ZC3H14: variants seen among roughly 807,000 people sequenced by gnomAD.
The protein encoded by ZC3H14 is zinc finger CCCH domain-containing protein 14.
Under a neutral mutation model 92.4 loss-of-function variants are expected in ZC3H14, and 31 were observed. The observed-to-expected ratio is 0.34, with a 90% CI of 0.25 to 0.45. The LOEUF (loss-of-function observed/expected upper bound fraction) is 0.45. Among genes scored for constraint, ZC3H14 ranks in the 20% least tolerant of loss-of-function variants. ZC3H14 has a pLI of 1.00. For missense variants in ZC3H14, 781 were observed against 897.3 expected (o/e 0.87, Z 1.66); for synonymous variants, 321 against 300.9 (o/e 1.07, Z -0.69).
At position 88,618,124 on chromosome 14, in the gene ZC3H14, C is replaced by T; in HGVS notation, c.*6373C>T. On this transcript the variant is annotated 3_prime_UTR_variant, in exon 17 of 17. Transcript: ENST00000251038. The stretch of plus-strand genomic sequence containing the variant: ...AAAATATGGTAACAAAAACTTGAAA[C>T]TCAATTACTATTCCTTATTGGAATG... 1 of 867,402 alleles carries T rather than the reference C, an allele frequency of 1.2e-6. No individual in the cohort carries two copies. The allele number at this position is 867,402 out of a possible 1,614,324, so 53.7% of individuals were successfully genotyped here. A position where few individuals can be genotyped will look rare whatever the true frequency, so the allele number is the denominator to read the frequency against.
rs532246822 is a variant in ZC3H14, at chr14:88,571,788, T to G, written c.236-242T>G. ...CATCTTGGCCAACCAACATGGTGAATCTCCGTCTCTACTAAAAATACAAAA... is the reference window on the plus strand; with the variant it reads ...CATCTTGGCCAACCAACATGGTGAAGCTCCGTCTCTACTAAAAATACAAAA... On this transcript the variant is annotated intron_variant, in intron 4 of 16. Coordinates refer to ENST00000251038, the MANE Select transcript of ZC3H14 (RefSeq NM_024824.5). Among the ~76,000 whole-genome samples, 17 of 151,976 alleles carry G rather than the reference T, an allele frequency of 1.1e-4. No homozygotes were observed. In the South Asian group the frequency reaches 3.3e-3, roughly 30 times the overall value.
intron 10 of ZC3H14, among the ~76,000 whole-genome samples, chr14:88,597,356 G>C (rs2083977779): frequency 6.6e-6 from 1 of 152,114 alleles, no homozygotes; most frequent in African/African-American, 2.4e-5. Flanking sequence ...TGTCCTCAGT[G>C]CCCAGCCCCT....
chr14:88,568,434 C>T (rs916305567), intron 3 of ZC3H14, among the ~76,000 whole-genome samples: 1 of 152,194 alleles, frequency 6.6e-6, no homozygotes, highest in African/African-American at 2.4e-5. Context: ...CACAAGTCGA[C>T]AGGAAAGAGA....
intron 9 of ZC3H14, among the ~76,000 whole-genome samples, chr14:88,593,544 C>T (rs1054078008): frequency 6.6e-6 from 1 of 152,162 alleles, no homozygotes; most frequent in Middle Eastern, 3.4e-3. Flanking sequence ...ACCCGTGGAC[C>T]GGAATTGAGA....
intron 12 of ZC3H14, among the ~76,000 whole-genome samples, chr14:88,605,658 A>G (rs1030932931): frequency 6.6e-6 from 1 of 152,140 alleles, no homozygotes; most frequent in African/African-American, 2.4e-5. Flanking sequence ...GACTTTTACT[A>G]TTTTTAAAGT....
intron 3 of ZC3H14, among the ~76,000 whole-genome samples, 187 bp downstream of exon 3, chr14:88,568,340 T>C (rs1342063390): frequency 3.3e-5 from 5 of 152,200 alleles, no homozygotes; most frequent in African/African-American, 1.2e-4. Context: ...CGAGACTGGG[T>C]AATTTCTAAA....
chr14:88,597,033 T>C (rs550078831), intron 10 of ZC3H14, among the ~76,000 whole-genome samples: 1 of 152,212 alleles, frequency 6.6e-6, no homozygotes, highest in Admixed American at 6.5e-5. Context: ...TTTCACACCA[T>C]TCCAAGTGTG....
Position 88,616,372 on chromosome 14 carries a change from A to G in ZC3H14, c.*4621A>G. 1.1e-6 allele frequency: 1 copy of G among 887,858 alleles called. No homozygotes were observed. The highest frequency in any genetic ancestry group is 1.7e-5 in the African/African-American group (1 of 60,474). The allele number at this position is 887,858 out of a possible 1,614,324, so 55.0% of individuals were successfully genotyped here. A position where few individuals can be genotyped will look rare whatever the true frequency, so the allele number is the denominator to read the frequency against. ...GGAGTTAGCACCGCAGCCAGTGATT[A>G]GAATGCTTTTCAGCATGAGTAGTGG... On this transcript the variant is annotated 3_prime_UTR_variant, in exon 17 of 17. Transcript: ENST00000251038.
chr14:88,608,290 C>T, intron 13 of ZC3H14: 1 of 489,100 alleles, frequency 2.0e-6, no homozygotes, highest in South Asian at 1.5e-5. Context: ...GAATACCATC[C>T]CCCATCTCAC....
At position 88,617,612 on chromosome 14, in the gene ZC3H14, TAAA is replaced by T. The variant is rs1300261036; in HGVS notation, c.*5864_*5866del. ...TGTGAGATCCCTATCTCTACAAAAATAAAAATGACTTATGACATAGGAATTAAA... is the reference window on the plus strand; with the variant it reads ...TGTGAGATCCCTATCTCTACAAAAATAATGACTTATGACATAGGAATTAAA... On this transcript the variant is annotated 3_prime_UTR_variant, in exon 17 of 17. Coordinates refer to ENST00000251038, the MANE Select transcript of ZC3H14 (RefSeq NM_024824.5). 1.3e-5 allele frequency: 2 copies of T among 152,100 alleles called. No individual in the cohort carries two copies. The highest frequency in any genetic ancestry group is 2.9e-5 in the Non-Finnish European group (2 of 68,044). The allele number at this position is 152,100 out of a possible 1,614,324, so 9.4% of individuals were successfully genotyped here.
intron 9 of ZC3H14, among the ~76,000 whole-genome samples, chr14:88,581,916 T>A (rs1177871851): frequency 5.9e-5 from 9 of 152,182 alleles, no homozygotes; most frequent in South Asian, 4.1e-4. Flanking sequence ...AATAAAATAA[T>A]TGAACATTTA....
intron 9 of ZC3H14, among the ~76,000 whole-genome samples, chr14:88,596,429 T>G (rs1168317731): frequency 6.6e-6 from 1 of 152,182 alleles, no homozygotes; most frequent in Non-Finnish European, 1.5e-5. Context: ...TGCCTTTTCC[T>G]GGATTTTCCA....
intron 12 of ZC3H14, among the ~76,000 whole-genome samples, chr14:88,606,041 C>T (rs748907396): frequency 6.6e-6 from 1 of 152,184 alleles, no homozygotes; most frequent in Non-Finnish European, 1.5e-5. Context: ...GTGATACTTG[C>T]TTTCATGAAC....
In ZC3H14 at chr14:88,625,204, T is replaced by A; in HGVS notation, c.*13453T>A. 1.3e-6 allele frequency: 2 copies of A among 1,488,498 alleles called. No homozygotes were observed. The highest frequency in any genetic ancestry group is 1.8e-6 in the Non-Finnish European group (2 of 1,096,956). The allele number at this position is 1,488,498 out of a possible 1,614,324, so 92.2% of individuals were successfully genotyped here. A position where few individuals can be genotyped will look rare whatever the true frequency, so the allele number is the denominator to read the frequency against. ...GTTTAAATAGATAATTTTCTATGTA[T>A]GTGTAATGCTGTCTCACCCTTGATA... On this transcript the variant is annotated 3_prime_UTR_variant, in exon 17 of 17. Coordinates refer to ENST00000251038, the MANE Select transcript of ZC3H14 (RefSeq NM_024824.5).
intron 9 of ZC3H14, among the ~76,000 whole-genome samples, chr14:88,584,834 A>G (rs2082289638): frequency 6.6e-6 from 1 of 152,212 alleles, no homozygotes; most frequent in African/African-American, 2.4e-5. Context: ...AAGTAGAGAA[A>G]AGTCATGACA....
chr14:88,580,489 A>C (rs150326670), intron 9 of ZC3H14, among the ~76,000 whole-genome samples: 6 of 152,234 alleles, frequency 3.9e-5, no homozygotes, highest in African/African-American at 1.4e-4. Flanking sequence ...CAATTTAAAA[A>C]TAAATAAAAT....
In ZC3H14 at chr14:88,617,406, CA is replaced by C. The variant is rs1341814991; in HGVS notation, c.*5658del. ...AGGTGATCACCCCCGCTCGGCCTCC[CA>C]AAGTGCTGGGATTACAGGCTGAGCC... is the stretch of plus-strand genomic sequence containing the variant. On this transcript the variant is annotated 3_prime_UTR_variant, in exon 17 of 17. Coordinates refer to ENST00000251038, the MANE Select transcript of ZC3H14 (RefSeq NM_024824.5). The C allele has an allele frequency of 6.6e-6, 1 of 152,508 alleles. No individual in the cohort carries two copies. Among genetic ancestry groups the C allele is most frequent in the African/African-American group, 2.4e-5 (1 of 41,416 alleles). The allele number at this position is 152,508 out of a possible 1,614,324, so 9.4% of individuals were successfully genotyped here.
intron 2 of ZC3H14, among the ~76,000 whole-genome samples, chr14:88,567,536 A>T (rs1202220120): frequency 2.0e-5 from 3 of 151,676 alleles, no homozygotes; most frequent in Non-Finnish European, 4.4e-5. Context: ...TGATTTTTTT[A>T]AATGATGTGG....
At position 88,618,744 on chromosome 14, in the gene ZC3H14, G is replaced by A. The variant is rs1278739754; in HGVS notation, c.*6993G>A. ...GATTCTGTTAAGAGTGGGGCCCAGC[G>A]TTAGGTCATAAAAATCCACTGAGTT... On this transcript the variant is annotated 3_prime_UTR_variant, in exon 17 of 17. Coordinates refer to ENST00000251038, the MANE Select transcript of ZC3H14 (RefSeq NM_024824.5). 7 of 1,605,728 alleles carry A rather than the reference G, an allele frequency of 4.4e-6. No homozygotes were observed. The highest frequency in any genetic ancestry group is 2.2e-5 in the East Asian group (1 of 44,778).
Sources: gnomAD v4.1 joint callset for allele counts (sites outside exome capture counted in the v4.1 genomes callset) on GRCh38, gnomAD v4.1.1 for gene constraint, MANE v1.5 for transcripts, NCBI Gene and HGNC (gene_info 2026-07-23, HGNC 2026-07-21) for gene names.